The following LRRC75A variants were observed in gnomAD, a reference collection of about 807,000 sequenced individuals.
LRRC75A encodes the protein leucine-rich repeat-containing protein 75A.
A neutral mutation model predicts 26.0 loss-of-function variants in LRRC75A; 12 were observed. The ratio of observed to expected loss-of-function variants is 0.46; its 90% confidence interval spans 0.30 to 0.75. The LOEUF (loss-of-function observed/expected upper bound fraction) is 0.75. Ranked by LOEUF, LRRC75A falls within the 30% of genes least tolerant of loss-of-function variation. The pLI is 0.08. For missense variants in LRRC75A, 410 were observed against 486.6 expected (o/e 0.84, Z 1.48); for synonymous variants, 223 against 219.3 (o/e 1.02, Z -0.15).
chr17:16,443,583 C>G lies in LRRC75A; in HGVS notation c.*5G>C. On this transcript the variant is annotated 3_prime_UTR_variant, in exon 4 of 4. Coordinates refer to ENST00000470794, the MANE Select transcript of LRRC75A (RefSeq NM_001113567.3). Reference sequence around the variant, plus strand: ...GACTCCCTGGTGAGGCCCTTCACTTCCATGTCACGTCTGAGCTGCAGCTAC... The same window carrying G: ...GACTCCCTGGTGAGGCCCTTCACTTGCATGTCACGTCTGAGCTGCAGCTAC... 6.6e-7 allele frequency: 1 copy of G among 1,511,010 alleles called. No individual in the cohort carries two copies. Among genetic ancestry groups the G allele is most frequent in the Non-Finnish European group, 8.9e-7 (1 of 1,120,882 alleles). 93.6% of individuals were successfully genotyped at this position (1,511,010 alleles called of 1,614,324 possible). A position where few individuals can be genotyped will look rare whatever the true frequency, so the allele number is the denominator to read the frequency against.
intron 2 of LRRC75A, among the ~76,000 whole-genome samples, chr17:16,458,356 C>A (rs1291269210): frequency 6.6e-6 from 1 of 152,140 alleles, no homozygotes; most frequent in Non-Finnish European, 1.5e-5. Flanking sequence ...ATTATGGCTT[C>A]TATATTATCA....
intron 1 of LRRC75A, among the ~76,000 whole-genome samples, chr17:16,470,089 T>G (rs1324027021): frequency 6.6e-6 from 1 of 152,134 alleles, no homozygotes; most frequent in Non-Finnish European, 1.5e-5. Context: ...ACTGCCCACC[T>G]GTCTTTGTTT....
chr17:16,483,371 C>T (rs1018078958), intron 1 of LRRC75A, among the ~76,000 whole-genome samples: 8 of 152,226 alleles, frequency 5.3e-5, no homozygotes, highest in African/African-American at 1.9e-4. Context: ...AGGTTGGCCT[C>T]GGCAGTATGG....
At chr17:16,475,122 G>C (rs2093816694) in intron 1 of LRRC75A, among the ~76,000 whole-genome samples, 2 of 152,056 alleles carry the variant, frequency 1.3e-5, no homozygotes, top group Non-Finnish European at 2.9e-5. Context: ...TTCCAAGCAG[G>C]AGTGTCTTCA....
intron 1 of LRRC75A, among the ~76,000 whole-genome samples, chr17:16,475,406 G>A (rs1050924934): frequency 6.6e-6 from 1 of 152,228 alleles, no homozygotes; most frequent in East Asian, 1.9e-4. Context: ...TGCAGGGCAG[G>A]CTGGGAAGCT....
intron 1 of LRRC75A, among the ~76,000 whole-genome samples, chr17:16,484,366 A>C (rs953043475): frequency 2.3e-5 from 3 of 133,012 alleles, no homozygotes; most frequent in Non-Finnish European, 3.3e-5. Flanking sequence ...CAAACAAAAA[A>C]CAAAAAAAAA....
intron 1 of LRRC75A, chr17:16,463,128 C>T (rs1046900154): frequency 1.3e-5 from 2 of 152,326 alleles, no homozygotes; most frequent in African/African-American, 4.8e-5. Context: ...GCAGCTGACA[C>T]AGGAAGGTCT....
chr17:16,477,251 T>C (rs1477040067), intron 1 of LRRC75A, among the ~76,000 whole-genome samples: 2 of 152,194 alleles, frequency 1.3e-5, no homozygotes, highest in Admixed American at 6.5e-5. Context: ...GACCCAAAAT[T>C]GGGCACCACA....
chr17:16,458,365 C>T (rs532825741), intron 2 of LRRC75A, among the ~76,000 whole-genome samples: 1 of 152,306 alleles, frequency 6.6e-6, no homozygotes, highest in South Asian at 2.1e-4. Context: ...TCTATATTAT[C>T]ACCTGTTGTG....
rs147402374 is a variant in LRRC75A at position 16,486,602 on chromosome 17, G to A, written c.246+5143C>T. Among the ~76,000 whole-genome samples the A allele has an allele frequency of 4.2e-3, 635 of 152,344 alleles. 4 individuals are homozygous for A. Among genetic ancestry groups the A allele is most frequent in the Non-Finnish European group, 6.5e-3 (441 of 68,036 alleles). ...ACAAGAGCCGATCAGGAATGTGGAG[G>A]CCAGACTCTCCCATCAGGCTCCGCT... On this transcript the variant is annotated intron_variant, in intron 1 of 3. Coordinates refer to ENST00000470794, the MANE Select transcript of LRRC75A (RefSeq NM_001113567.3).
chr17:16,444,223 G>T, intron 3 of LRRC75A, 92 bp from the exon 4 acceptor site: 3 of 1,059,064 alleles, frequency 2.8e-6, no homozygotes, highest in South Asian at 1.7e-5. Flanking sequence ...GCTCTCCGAC[G>T]CTAGGGACTG....
At chr17:16,477,439 A>G (rs2093823782) in intron 1 of LRRC75A, among the ~76,000 whole-genome samples, 1 of 152,236 alleles carries the variant, frequency 6.6e-6, no homozygotes, top group Non-Finnish European at 1.5e-5. Context: ...TGAGGAATCC[A>G]GCTCCAATCC....
intron 2 of LRRC75A, among the ~76,000 whole-genome samples, chr17:16,454,796 C>CT (rs1568958614): frequency 6.6e-6 from 1 of 151,966 alleles, no homozygotes; most frequent in East Asian, 1.9e-4. Flanking sequence ...TCATTTCTTT[C>CT]TTTTTTTAAA....
In LRRC75A at chr17:16,443,324, G is replaced by C; in HGVS notation, c.*264C>G. 2.1e-6 allele frequency: 1 copy of C among 468,618 alleles called. No individual in the cohort carries two copies. Among genetic ancestry groups the C allele is most frequent in the Non-Finnish European group, 3.8e-6 (1 of 263,890 alleles). 29.0% of individuals were successfully genotyped at this position (468,618 alleles called of 1,614,324 possible). A position where few individuals can be genotyped will look rare whatever the true frequency, so the allele number is the denominator to read the frequency against. ...AAGTCTTTGGGGAAGGCCATGAGCT[G>C]AGCTGAGAGGGTTCTCTGGGGCCTG... On this transcript the variant is annotated 3_prime_UTR_variant, in exon 4 of 4. Coordinates refer to ENST00000470794, the MANE Select transcript of LRRC75A (RefSeq NM_001113567.3).
intron 1 of LRRC75A, among the ~76,000 whole-genome samples, chr17:16,474,989 C>G (rs550767379): frequency 1.4e-5 from 2 of 146,996 alleles, no homozygotes; most frequent in African/African-American, 5.3e-5. Context: ...GTGCAAGACT[C>G]CGTCTCAAAA....
chr17:16,485,681 T>TGTGTGTTCGTTC (rs1555893694), intron 1 of LRRC75A, among the ~76,000 whole-genome samples: 2 of 135,434 alleles, frequency 1.5e-5, no homozygotes, highest in African/African-American at 6.0e-5. Context: ...CGTGTGTGTG[T>TGTGTGTTCGTTC]GTGTGTGTGT....
intron 1 of LRRC75A, among the ~76,000 whole-genome samples, chr17:16,481,749 C>T (rs73288926): frequency 0.083 from 12,584 of 152,180 alleles, 1,719 homozygotes; most frequent in African/African-American, 0.29. Flanking sequence ...ATCTGAGCTA[C>T]AGGCCCTCCA....
At chr17:16,488,826 GA>G (rs2093851879) in intron 1 of LRRC75A, among the ~76,000 whole-genome samples, 2 of 152,226 alleles carry the variant, frequency 1.3e-5, no homozygotes. Flanking sequence ...AAGCTGGAGA[GA>G]CGCCCTCCAA....
At chr17:16,478,944 C>T (rs1413130444) in intron 1 of LRRC75A, among the ~76,000 whole-genome samples, 1 of 152,230 alleles carries the variant, frequency 6.6e-6, no homozygotes, top group African/African-American at 2.4e-5. Context: ...GTGGAAGTTA[C>T]TTACCGGGGT....
Sources: allele counts gnomAD v4.1 joint callset (sites outside exome capture counted in the v4.1 genomes callset), GRCh38; gene constraint gnomAD v4.1.1; transcripts MANE v1.5; gene names NCBI Gene and HGNC (gene_info 2026-07-23, HGNC 2026-07-21).